Variants in CELF2 observed in about 807,000 individuals in gnomAD.
CELF2 encodes CUG triplet repeat RNA-binding protein 2.
In CELF2, 8 loss-of-function variants were observed where a neutral mutation model predicts 62.6. The observed-to-expected ratio is 0.13, with a 90% CI of 0.07 to 0.23. The LOEUF (loss-of-function observed/expected upper bound fraction) is 0.23, where lower values mean the gene tolerates loss of function less well. CELF2 is among the 10% of genes least tolerant of loss of function. The pLI is 1.00. For synonymous variants in CELF2, 258 were observed against 250.0 expected (o/e 1.03, Z -0.30); for missense variants, 333 against 671.0 (o/e 0.50, Z 5.56).
chr10:11,090,093 A>G (rs1398465729), intron 1 of CELF2, among the ~76,000 whole-genome samples: 4 of 151,984 alleles, frequency 2.6e-5, no homozygotes, highest in Middle Eastern at 3.2e-3. Context: ...CACCAGGGTG[A>G]TGGGATCATT....
At chr10:11,185,163 C>A (rs2074513632) in intron 2 of CELF2, among the ~76,000 whole-genome samples, 1 of 151,952 alleles carries the variant, frequency 6.6e-6, no homozygotes, top group South Asian at 2.1e-4. Context: ...GTAAATATGA[C>A]AAATCACATT....
At chr10:11,093,660 C>G (rs2048957543) in intron 1 of CELF2, among the ~76,000 whole-genome samples, 1 of 152,136 alleles carries the variant, frequency 6.6e-6, no homozygotes, top group Admixed American at 6.5e-5. Context: ...AATAGTTCAG[C>G]AATTTTGATT....
At chr10:11,327,213 C>T (rs3847422) in intron 12 of CELF2, among the ~76,000 whole-genome samples, 51,660 of 148,878 alleles carry the variant, frequency 0.35, 9,352 homozygotes, top group Middle Eastern at 0.42. Flanking sequence ...GGGGGTGTGT[C>T]TGAGCAGGAG....
chr10:11,072,312 A>G (rs1005530075), intron 1 of CELF2, among the ~76,000 whole-genome samples: 1 of 152,136 alleles, frequency 6.6e-6, no homozygotes, highest in Non-Finnish European at 1.5e-5. Flanking sequence ...GCATGTGACA[A>G]GTTGTTTCTT....
At chr10:10,794,153 G>C (rs1037777033), upstream of CELF2, among the ~76,000 whole-genome samples, 15 of 152,140 alleles carry the variant, frequency 9.9e-5, no homozygotes, top group African/African-American at 3.4e-4. Context: ...GGAAAGCTGG[G>C]TCCTATTTCC....
intron 1 of CELF2, among the ~76,000 whole-genome samples, chr10:11,026,872 G>A (rs956575825): frequency 1.3e-5 from 2 of 152,138 alleles, no homozygotes; most frequent in African/African-American, 2.4e-5. Flanking sequence ...TTGTTTCTGC[G>A]CATTGAACTG....
chr10:10,757,734 A>C, the CELF2 span, among the ~76,000 whole-genome samples: 1 of 152,226 alleles, frequency 6.6e-6, no homozygotes, highest in Non-Finnish European at 1.5e-5. Context: ...CCTGTGGCTT[A>C]GTAAAGCATT....
At chr10:10,543,858 G>A in the CELF2 span, among the ~76,000 whole-genome samples, 83 of 152,276 alleles carry the variant, frequency 5.5e-4, no homozygotes, top group Admixed American at 1.2e-3. Flanking sequence ...ATCTTGCATT[G>A]ACTCTGGAGG....
At chr10:10,697,647 C>G in the CELF2 span, among the ~76,000 whole-genome samples, 1 of 152,088 alleles carries the variant, frequency 6.6e-6, no homozygotes, top group African/African-American at 2.4e-5. Context: ...GTAGCTGCAT[C>G]CTCACATGGC....
chr10:10,566,632 T>G, the CELF2 span, among the ~76,000 whole-genome samples: 1 of 144,290 alleles, frequency 6.9e-6, no homozygotes, highest in Non-Finnish European at 1.5e-5. Flanking sequence ...AGTGATCTCA[T>G]TGTTCAATTC....
At chr10:10,829,718 G>A (rs2132192561) in intron 1 of CELF2, among the ~76,000 whole-genome samples, 1 of 152,260 alleles carries the variant, frequency 6.6e-6, no homozygotes, top group Admixed American at 6.5e-5. Flanking sequence ...TAGGACTCAA[G>A]CCAGCCAACA....
the CELF2 span, among the ~76,000 whole-genome samples, chr10:10,653,330 T>C: frequency 1.3e-5 from 2 of 149,452 alleles, no homozygotes; most frequent in South Asian, 4.6e-4. Context: ...TCAACAAGGA[T>C]ACCCAGGAAT....
the CELF2 span, among the ~76,000 whole-genome samples, chr10:10,493,997 A>C: frequency 6.6e-6 from 1 of 152,122 alleles, no homozygotes; most frequent in Middle Eastern, 3.2e-3. Context: ...CGGTGACCTC[A>C]TGGTTCTTTG....
At chr10:10,528,441 T>C in the CELF2 span, among the ~76,000 whole-genome samples, 41 of 152,152 alleles carry the variant, frequency 2.7e-4, no homozygotes, top group African/African-American at 8.9e-4. Context: ...AGCACCTACA[T>C]AACAAGAGGG....
intron 2 of CELF2, among the ~76,000 whole-genome samples, chr10:10,932,058 A>G (rs184913142): frequency 5.6e-4 from 86 of 152,300 alleles, no homozygotes; most frequent in Non-Finnish European, 9.6e-4. Context: ...GTGTGTGGGA[A>G]TTCAAAATGA....
At chr10:10,906,334 T>G (rs2063336880) in intron 1 of CELF2, among the ~76,000 whole-genome samples, 1 of 152,236 alleles carries the variant, frequency 6.6e-6, no homozygotes, top group Admixed American at 6.5e-5. Flanking sequence ...AAAGCCATCT[T>G]TGCTGATGCG....
At position 10,905,582 on chromosome 10, in the gene CELF2, TA is replaced by T. The variant is rs11386664; in HGVS notation, c.54-14369del. 3.3e-3 allele frequency among the ~76,000 whole-genome samples: 477 copies of T among 143,820 alleles called. 2 individuals carry two copies. Among genetic ancestry groups the T allele is most frequent in the African/African-American group, 9.9e-3 (386 of 39,014 alleles). 94.4% of individuals were successfully genotyped at this position (143,820 alleles called of 152,430 possible). A position where few individuals can be genotyped will look rare whatever the true frequency, so the allele number is the denominator to read the frequency against. ...AACATGGCAAACCCCCATCTCTACTTAAAAAAAAAAAAAGGGCTGGGCGTGG... is the reference window on the plus strand; with the variant it reads ...AACATGGCAAACCCCCATCTCTACTTAAAAAAAAAAAAGGGCTGGGCGTGG... On this transcript the variant is annotated intron_variant, in intron 1 of 13. Coordinates refer to the CELF2 transcript ENST00000636488.
intron 2 of CELF2, chr10:10,946,982 TGAG>T (rs575210799): frequency 2.0e-5 from 3 of 152,332 alleles, no homozygotes; most frequent in African/African-American, 7.2e-5. Context: ...TCTCTGCCTG[TGAG>T]GAGTTGTTGC....
At chr10:10,520,723 C>T in the CELF2 span, among the ~76,000 whole-genome samples, 8 of 151,774 alleles carry the variant, frequency 5.3e-5, no homozygotes, top group Admixed American at 5.2e-4. Flanking sequence ...ACATTAGGAA[C>T]AAGACAAAGG....
Sources: allele counts gnomAD v4.1 joint callset (sites outside exome capture counted in the v4.1 genomes callset), GRCh38; gene constraint gnomAD v4.1.1; transcripts MANE v1.5; gene names NCBI Gene and HGNC (gene_info 2026-07-23, HGNC 2026-07-21).